Variants in OR51B5 observed in about 807,000 individuals in gnomAD.
The protein encoded by OR51B5 is olfactory receptor 51B5.
For missense variants in OR51B5, 456 were observed against 374.6 expected (o/e 1.22, Z -1.79); for synonymous variants, 186 against 144.8 (o/e 1.28, Z -2.04).
At chr11:5,366,134 T>C (rs755260713) in intron 1 of OR51B5, among the ~76,000 whole-genome samples, 42 of 152,024 alleles carry the variant, frequency 2.8e-4, no homozygotes, top group Non-Finnish European at 5.7e-4. Context: ...GTGAACCCAG[T>C]GGGCAAAATA....
intron 1 of OR51B5, among the ~76,000 whole-genome samples, chr11:5,388,690 T>A (rs77277106): frequency 0.02 from 2,979 of 151,748 alleles, 101 homozygotes; most frequent in African/African-American, 0.068. Context: ...CCTTTTTTAC[T>A]TCATTAAAAA....
intron 1 of OR51B5, chr11:5,422,258 C>A (rs773544910): frequency 1.2e-6 from 2 of 1,613,960 alleles, no homozygotes; most frequent in Non-Finnish European, 1.7e-6. Flanking sequence ...CACGGACATC[C>A]CTGGATTTGA....
rs7104654 is a variant in OR51B5, at chr11:5,414,891, A to C, written n.85-67981T>G. Among the ~76,000 whole-genome samples the C allele has an allele frequency of 8.8e-3, 1,340 of 152,142 alleles. 15 individuals are homozygous for C. Among genetic ancestry groups the C allele is most frequent in the African/African-American group, 0.029 (1,199 of 41,458 alleles). On this transcript the variant is annotated intron_variant and non_coding_transcript_variant, in intron 1 of 4. Coordinates refer to the OR51B5 transcript ENST00000415970. ...CGAGACAGAAAGTCAACAAGGATACACAGGAACTGAACTCAGCTCTGCACC... is the reference window on the plus strand; with the variant it reads ...CGAGACAGAAAGTCAACAAGGATACCCAGGAACTGAACTCAGCTCTGCACC...
At chr11:5,477,334 A>G (rs1851325468) in intron 1 of OR51B5, among the ~76,000 whole-genome samples, 1 of 152,128 alleles carries the variant, frequency 6.6e-6, no homozygotes, top group South Asian at 2.1e-4. Context: ...GCACTTGGAG[A>G]GCACCTCAGT....
chr11:5,477,688 T>C (rs1851334631), intron 1 of OR51B5, among the ~76,000 whole-genome samples: 1 of 152,110 alleles, frequency 6.6e-6, no homozygotes, highest in Non-Finnish European at 1.5e-5. Flanking sequence ...GGTGAGGCAT[T>C]GCCTCACTTG....
chr11:5,441,465 G>A (rs149246890), intron 1 of OR51B5: 14 of 1,613,516 alleles, frequency 8.7e-6, no homozygotes, highest in Non-Finnish European at 1.2e-5. Flanking sequence ...AGGAATGCCT[G>A]TCAGCTGGAG....
At position 5,422,593 on chromosome 11, in the gene OR51B5, C is replaced by G. The variant is rs558657784; in HGVS notation, n.85-75683G>C. Reference sequence around the variant, plus strand: ...ACTGCTATGTGGCCATCTGCTGTCCCCTCCATTATGCCTCCATCCTCACCA... The same window carrying G: ...ACTGCTATGTGGCCATCTGCTGTCCGCTCCATTATGCCTCCATCCTCACCA... On this transcript the variant is annotated intron_variant and non_coding_transcript_variant, in intron 1 of 4. Coordinates refer to the OR51B5 transcript ENST00000415970. The G allele has an allele frequency of 1.7e-5, 28 of 1,614,138 alleles. No homozygotes were observed. The African/African-American group carries it at 3.5e-4, about 20-fold the overall frequency.
At chr11:5,356,031 C>T (rs1282567248) in intron 1 of OR51B5, among the ~76,000 whole-genome samples, 1 of 151,764 alleles carries the variant, frequency 6.6e-6, no homozygotes, top group Non-Finnish European at 1.5e-5. Context: ...TGGGGAAAAA[C>T]AGAGCAGAAA....
chr11:5,388,160 T>G (rs1849730782), intron 1 of OR51B5, among the ~76,000 whole-genome samples: 1 of 152,108 alleles, frequency 6.6e-6, no homozygotes, highest in Non-Finnish European at 1.5e-5. Flanking sequence ...TGATACATAT[T>G]TAATAATTTA....
chr11:5,409,786 G>A (rs930250897), intron 1 of OR51B5, among the ~76,000 whole-genome samples: 3 of 152,156 alleles, frequency 2.0e-5, no homozygotes, highest in Admixed American at 6.5e-5. Context: ...CTGGTAAAAC[G>A]CATCAATCCA....
In OR51B5 at chr11:5,358,725, A is replaced by G. The variant is rs1244006868; in HGVS notation, n.85-11815T>C. Among the ~76,000 whole-genome samples the G allele has an allele frequency of 2.6e-5, 4 of 152,124 alleles. No homozygotes were observed. In the South Asian group the frequency reaches 6.2e-4, roughly 24 times the overall value. ...TTTTAGACCAATATCCCTGATGGAC[A>G]TCGATGCAAAAAACCTCAATAAAAT... On this transcript the variant is annotated intron_variant and non_coding_transcript_variant, in intron 1 of 4. Coordinates refer to the OR51B5 transcript ENST00000415970.
chr11:5,468,541 T>C, intron 1 of OR51B5: 2 of 395,442 alleles, frequency 5.1e-6, no homozygotes, highest in Non-Finnish European at 1.0e-5. Flanking sequence ...CTCCTTAGTC[T>C]TGATGGAATA....
rs546965603 is a variant in OR51B5, at chr11:5,343,321, G to A, written c.204C>T (p.Asp68=). 164 of 1,456,070 alleles carry A rather than the reference G, an allele frequency of 1.1e-4. 4 individuals are homozygous for A. In the South Asian group the frequency reaches 1.8e-3, roughly 16 times the overall value. 90.2% of individuals were successfully genotyped at this position (1,456,070 alleles called of 1,614,324 possible). A position where few individuals can be genotyped will look rare whatever the true frequency, so the allele number is the denominator to read the frequency against. The change falls in exon 1 of 1, where the codon GAC becomes GAT. Residue 68 remains aspartate, a synonymous_variant. Transcript: ENST00000300773. ...GCATTGTGGTCAGGGCCAGCCCCAG[G>A]TCTGTGGCAGCCAGCATGGCCAGAA...
chr11:5,355,581 T>G (rs539749661), intron 1 of OR51B5: 7 of 152,048 alleles, frequency 4.6e-5, no homozygotes, highest in African/African-American at 1.7e-4. Context: ...TGCAGTCCTG[T>G]ATCTGTCTAA....
chr11:5,478,258 C>T (rs1158497453), intron 1 of OR51B5, among the ~76,000 whole-genome samples: 2 of 152,034 alleles, frequency 1.3e-5, no homozygotes, highest in Non-Finnish European at 2.9e-5. Flanking sequence ...CATACTGACA[C>T]CTCACACGGC....
At chr11:5,381,656 A>G (rs1222357411) in intron 1 of OR51B5, among the ~76,000 whole-genome samples, 2 of 152,230 alleles carry the variant, frequency 1.3e-5, no homozygotes, top group African/African-American at 2.4e-5. Flanking sequence ...ATGCACGTCA[A>G]TGAAAATTGA....
At chr11:5,438,546 G>T (rs1056819722) in intron 1 of OR51B5, among the ~76,000 whole-genome samples, 1 of 152,126 alleles carries the variant, frequency 6.6e-6, no homozygotes, top group Non-Finnish European at 1.5e-5. Context: ...ACTCTGTGCT[G>T]AGTGCAGAGT....
chr11:5,456,459 C>T (rs954164979), intron 1 of OR51B5: 1 of 151,840 alleles, frequency 6.6e-6, no homozygotes, highest in Non-Finnish European at 1.5e-5. Context: ...GTTTTTTTGA[C>T]CTTGGGTTAA....
At chr11:5,468,776 A>T in intron 1 of OR51B5, 2 of 456,046 alleles carry the variant, frequency 4.4e-6, no homozygotes, top group South Asian at 3.1e-5. Context: ...GAGGAGGATG[A>T]GCAGTGAATC....
Sources: allele counts gnomAD v4.1 joint callset (sites outside exome capture counted in the v4.1 genomes callset), GRCh38; gene constraint gnomAD v4.1.1; transcripts MANE v1.5; gene names NCBI Gene and HGNC (gene_info 2026-07-23, HGNC 2026-07-21).